TRAPPC9: variants seen among roughly 807,000 people sequenced by gnomAD.
TRAPPC9 encodes the protein IKK2 binding protein.
A neutral mutation model predicts 124.0 loss-of-function variants in TRAPPC9; 83 were observed. The ratio of observed to expected loss-of-function variants is 0.67; its 90% confidence interval spans 0.56 to 0.80. The LOEUF is 0.80. TRAPPC9 is among the 30% of genes least tolerant of loss of function. The pLI, the probability that TRAPPC9 is intolerant of heterozygous loss-of-function variation, is 0.00. For missense variants in TRAPPC9, 1,302 were observed against 1,508.3 expected, an observed-to-expected ratio of 0.86 and a Z score of 2.27; for synonymous variants, 638 against 617.5, an observed-to-expected ratio of 1.03 and a Z score of -0.49.
chr8:140,430,455 T>C (rs2070599619), intron 4 of TRAPPC9, among the ~76,000 whole-genome samples: 1 of 152,108 alleles, frequency 6.6e-6, no homozygotes, highest in Non-Finnish European at 1.5e-5. Flanking sequence ...TGTGAACCCC[T>C]TCTTTTGCCC....
intron 21 of TRAPPC9, among the ~76,000 whole-genome samples, chr8:139,781,933 T>G (rs1033748205): frequency 1.3e-5 from 2 of 152,128 alleles, no homozygotes; most frequent in African/African-American, 4.8e-5. Context: ...GATGATATAC[T>G]TAAACCTAAG....
At chr8:140,092,806 T>C (rs183896810) in intron 17 of TRAPPC9, among the ~76,000 whole-genome samples, 1 of 152,342 alleles carries the variant, frequency 6.6e-6, no homozygotes, top group East Asian at 1.9e-4. Context: ...TTTGTATTTG[T>C]TTTAAACATA....
At chr8:140,275,532 T>TC in intron 15 of TRAPPC9, 126 bp downstream of exon 15, 1 of 1,094,284 alleles carries the variant, frequency 9.1e-7, no homozygotes, top group South Asian at 1.3e-5. Context: ...TCGCCTGACT[T>TC]CTACTGACTT....
intron 7 of TRAPPC9, among the ~76,000 whole-genome samples, chr8:140,377,555 A>G (rs2068479249): frequency 6.6e-6 from 1 of 152,172 alleles, no homozygotes; most frequent in South Asian, 2.1e-4. Context: ...TCAGCCTCCC[A>G]AAGTGCTGGG....
intron 12 of TRAPPC9, among the ~76,000 whole-genome samples, chr8:140,288,149 C>T (rs12681470): frequency 6.6e-6 from 1 of 152,172 alleles, no homozygotes; most frequent in African/African-American, 2.4e-5. Context: ...CAAGACCAAC[C>T]TGGGCAACAC....
rs377706417 is a variant in TRAPPC9, at chr8:139,935,669, CT to C, written c.2811-25370del. 8.4e-3 allele frequency among the ~76,000 whole-genome samples: 1,117 copies of C among 132,502 alleles called. 14 individuals carry two copies. Among genetic ancestry groups the C allele is most frequent in the African/African-American group, 0.024 (838 of 35,514 alleles). 86.9% of individuals were successfully genotyped at this position (132,502 alleles called of 152,430 possible). A position where few individuals can be genotyped will look rare whatever the true frequency, so the allele number is the denominator to read the frequency against. ...TTAAAATATGCTTCTTCAGTCTTTG[CT>C]TTTTTTTTTTTTTTTTTTTTACATT... On this transcript the variant is annotated intron_variant, in intron 19 of 22. Coordinates refer to ENST00000438773, the MANE Select transcript of TRAPPC9 (RefSeq NM_001160372.4).
rs142294832 is a variant in TRAPPC9 at position 140,374,927 on chromosome 8, T to C, written c.1135-3747A>G. The stretch of plus-strand genomic sequence containing the variant: ...CATTCCTCTTATCATTTCAGTGTAA[T>C]AAGAAGTCAAATGATAAATACTACA... On this transcript the variant is annotated intron_variant, in intron 7 of 22. Transcript: ENST00000438773. Among the ~76,000 whole-genome samples, 12 of 152,308 alleles carry C rather than the reference T, an allele frequency of 7.9e-5. No homozygotes were observed. In the East Asian group the frequency reaches 2.3e-3, roughly 29 times the overall value.
intron 17 of TRAPPC9, among the ~76,000 whole-genome samples, chr8:140,132,079 C>G (rs1026335762): frequency 1.3e-5 from 2 of 152,214 alleles, no homozygotes; most frequent in African/African-American, 4.8e-5. Context: ...GGTCACACCT[C>G]TGCTGTCACC....
intron 17 of TRAPPC9, among the ~76,000 whole-genome samples, chr8:140,175,432 G>A (rs569196682): frequency 4.6e-5 from 7 of 152,008 alleles, no homozygotes; most frequent in Non-Finnish European, 7.4e-5. Flanking sequence ...CCTGAGATGC[G>A]GGCCAGGTTC....
At position 139,961,140 on chromosome 8, in the gene TRAPPC9, ATGTGTCCTCGGACAAACCCACG is replaced by A. The variant is rs1164841625; in HGVS notation, c.2810+27564_2810+27585del. ...AAGAGGAGGACAGCAGGAAACCCAC[ATGTGTCCTCGGACAAACCCACG>A]TGTGTCCTCAGCTGCGCCTGCACAT... On this transcript the variant is annotated intron_variant, in intron 19 of 22. Transcript: ENST00000438773. Among the ~76,000 whole-genome samples, 38 of 124,742 alleles carry A rather than the reference ATGTGTCCTCGGACAAACCCACG, an allele frequency of 3.0e-4. 7 individuals are homozygous for A. Among genetic ancestry groups the A allele is most frequent in the African/African-American group, 9.1e-4 (36 of 39,420 alleles). 81.8% of individuals were successfully genotyped at this position (124,742 alleles called of 152,430 possible).
At chr8:140,375,662 A>C (rs2068416735) in intron 7 of TRAPPC9, among the ~76,000 whole-genome samples, 1 of 152,236 alleles carries the variant, frequency 6.6e-6, no homozygotes, top group Non-Finnish European at 1.5e-5. Flanking sequence ...CATAAGCCTA[A>C]AACTCTCAGT....
chr8:140,123,577 C>T (rs1291581234), intron 17 of TRAPPC9, among the ~76,000 whole-genome samples: 2 of 152,346 alleles, frequency 1.3e-5, no homozygotes, highest in East Asian at 1.9e-4. Flanking sequence ...ACCCCAACTG[C>T]ACAGCTGGGT....
intron 15 of TRAPPC9, among the ~76,000 whole-genome samples, chr8:140,263,609 G>GTACTGTAT (rs1401171186): frequency 6.6e-6 from 1 of 152,192 alleles, no homozygotes; most frequent in Non-Finnish European, 1.5e-5. Flanking sequence ...CTAATGCCAG[G>GTACTGTAT]TACTGTATTA....
intron 17 of TRAPPC9, among the ~76,000 whole-genome samples, chr8:140,158,748 G>A (rs941838803): frequency 6.6e-6 from 1 of 152,206 alleles, no homozygotes; most frequent in African/African-American, 2.4e-5. Flanking sequence ...CTCCCCTGCT[G>A]TGGACAGTGG....
intron 2 of TRAPPC9, among the ~76,000 whole-genome samples, chr8:140,441,624 G>T (rs970824687): frequency 2.7e-5 from 4 of 150,682 alleles, no homozygotes; most frequent in Admixed American, 2.6e-4. Flanking sequence ...ACTTCGAGAC[G>T]GCTGGGCAAC....
At position 139,804,753 on chromosome 8, in the gene TRAPPC9, C is replaced by T. The variant is rs1396748094; in HGVS notation, c.3056-72551G>A. 1.4e-4 allele frequency among the ~76,000 whole-genome samples: 21 copies of T among 149,600 alleles called. 1 individual carries two copies. The highest frequency in any genetic ancestry group is 6.0e-4 in the East Asian group (3 of 4,998). ...CACCACCACCACCACCACCAAGCAC[C>T]GCCACCACTACCCACCACCACCACC... On this transcript the variant is annotated intron_variant, in intron 21 of 22. Coordinates refer to ENST00000438773, the MANE Select transcript of TRAPPC9 (RefSeq NM_001160372.4).
At chr8:140,324,875 TACA>T (rs1208150883) in intron 9 of TRAPPC9, among the ~76,000 whole-genome samples, 9 of 152,204 alleles carry the variant, frequency 5.9e-5, no homozygotes, top group African/African-American at 2.2e-4. Flanking sequence ...CTGACATTCA[TACA>T]ACACTATACC....
intron 21 of TRAPPC9, among the ~76,000 whole-genome samples, chr8:139,792,536 G>A (rs1289416765): frequency 1.3e-5 from 2 of 152,214 alleles, no homozygotes; most frequent in African/African-American, 4.8e-5. Flanking sequence ...CAGCAACTTG[G>A]TGGCAGACGC....
intron 8 of TRAPPC9, among the ~76,000 whole-genome samples, chr8:140,364,303 A>G (rs950183852): frequency 6.6e-6 from 1 of 151,884 alleles, no homozygotes; most frequent in African/African-American, 2.4e-5. Flanking sequence ...AAAAAAAAAA[A>G]AAAAAAAAAG....
Sources: allele counts gnomAD v4.1 joint callset (sites outside exome capture counted in the v4.1 genomes callset), GRCh38; gene constraint gnomAD v4.1.1; transcripts MANE v1.5; gene names NCBI Gene and HGNC (gene_info 2026-07-23, HGNC 2026-07-21).